The following PSD3 variants were observed in gnomAD, a reference collection of about 807,000 sequenced individuals.
PSD3 encodes pleckstrin and Sec7 domain containing 3, also known as PH and SEC7 domain-containing protein 3.
PSD3 carries 49 observed loss-of-function variants against 105.5 expected under a neutral mutation model. The observed-to-expected ratio is 0.46, with a 90% confidence interval of 0.37 to 0.59. The LOEUF is 0.59. Among genes scored for constraint, PSD3 ranks in the 20% least tolerant of loss-of-function variants. The pLI is 0.00. For missense variants in PSD3, 1,561 were observed against 1,263.8 expected (o/e 1.24, Z -3.57); for synonymous variants, 557 against 457.8 (o/e 1.22, Z -2.77).
At chr8:18,766,864 G>C (rs1807044302) in intron 8 of PSD3, among the ~76,000 whole-genome samples, 1 of 152,174 alleles carries the variant, frequency 6.6e-6, no homozygotes, top group African/African-American at 2.4e-5. Flanking sequence ...TTGCATTATA[G>C]GAGAGAAACC....
At chr8:18,892,413 C>T (rs1326967612) in intron 2 of PSD3, among the ~76,000 whole-genome samples, 4 of 151,448 alleles carry the variant, frequency 2.6e-5, no homozygotes, top group African/African-American at 4.9e-5. Flanking sequence ...TTAGTAAAGA[C>T]GGAGTTTCAC....
intron 4 of PSD3, among the ~76,000 whole-genome samples, chr8:18,822,395 AGTC>A (rs1444073779): frequency 5.9e-5 from 9 of 152,206 alleles, no homozygotes; most frequent in Non-Finnish European, 1.0e-4. Flanking sequence ...GTAGTAGTAC[AGTC>A]CATCCCCGGG....
intron 14 of PSD3, among the ~76,000 whole-genome samples, chr8:18,559,284 A>C (rs1801254304): frequency 6.6e-6 from 1 of 152,180 alleles, no homozygotes; most frequent in Non-Finnish European, 1.5e-5. Context: ...ATGTGATGTT[A>C]TTATACTTGT....
At chr8:18,820,852 C>T (rs867370565) in intron 4 of PSD3, among the ~76,000 whole-genome samples, 1 of 118,316 alleles carries the variant, frequency 8.5e-6, no homozygotes, top group African/African-American at 3.2e-5. Context: ...CTCCTGGGCA[C>T]AGGCAATCCT....
chr8:18,791,294 A>T (rs1415684802), intron 8 of PSD3, among the ~76,000 whole-genome samples: 1 of 152,178 alleles, frequency 6.6e-6, no homozygotes, highest in African/African-American at 2.4e-5. Flanking sequence ...AAAAAGAGGC[A>T]AGCTGGAGGC....
At chr8:18,555,915 TG>T (rs998031031) in intron 15 of PSD3, among the ~76,000 whole-genome samples, 24 of 152,338 alleles carry the variant, frequency 1.6e-4, no homozygotes, top group Admixed American at 5.9e-4. Context: ...TCCACCCTGG[TG>T]TGTCCCTCTA....
rs188878041 is a variant in PSD3 at position 18,795,162 on chromosome 8, A to G, written c.2082+4133T>C. ...CCTTGATTATATTCTTCTCCCTACC[A>G]GTAAGTTGTACTAGATATGGTTTCA... On this transcript the variant is annotated intron_variant, in intron 8 of 15. Transcript: ENST00000327040. 1.3e-4 allele frequency among the ~76,000 whole-genome samples: 20 copies of G among 152,280 alleles called. No individual in the cohort carries two copies. In the East Asian group the frequency reaches 3.5e-3, roughly 26 times the overall value.
chr8:18,679,471 T>C (rs554852081), intron 9 of PSD3, among the ~76,000 whole-genome samples: 26 of 152,326 alleles, frequency 1.7e-4, no homozygotes, highest in African/African-American at 5.8e-4. Context: ...TAACATCTCC[T>C]AGTACAGGAA....
At chr8:18,689,060 C>G (rs895468655) in intron 9 of PSD3, among the ~76,000 whole-genome samples, 1 of 152,098 alleles carries the variant, frequency 6.6e-6, no homozygotes, top group East Asian at 1.9e-4. Context: ...GTAGATAAAC[C>G]CTAAAAGGCT....
In PSD3 at chr8:18,630,918, G is replaced by C. The variant is rs1374536636; in HGVS notation, c.2410+1695C>G. On this transcript the variant is annotated intron_variant, in intron 11 of 15. Coordinates refer to ENST00000327040, the MANE Select transcript of PSD3 (RefSeq NM_015310.4). ...AAAGTATATGGGAGGATATGCATCA[G>C]TTATATGCAGATACTATGCCATTTT... 4.6e-5 allele frequency among the ~76,000 whole-genome samples: 7 copies of C among 151,832 alleles called. No homozygotes were observed. In the East Asian group the frequency reaches 1.2e-3, roughly 25 times the overall value.
intron 1 of PSD3, among the ~76,000 whole-genome samples, chr8:19,062,743 C>T (rs1828946750): frequency 6.6e-6 from 1 of 152,136 alleles, no homozygotes; most frequent in African/African-American, 2.4e-5. Flanking sequence ...TTGGGAAACG[C>T]TACATTACAT....
At chr8:18,647,578 G>A (rs1375395490) in intron 10 of PSD3, among the ~76,000 whole-genome samples, 1 of 150,276 alleles carries the variant, frequency 6.7e-6, no homozygotes, top group Non-Finnish European at 1.5e-5. Flanking sequence ...AGTGCAGAGG[G>A]AATCCAGAAG....
chr8:18,768,116 C>CAA (rs774203727), intron 8 of PSD3, among the ~76,000 whole-genome samples: 2,188 of 97,310 alleles, frequency 0.022, 56 homozygotes, highest in African/African-American at 0.066. Context: ...ACTGAAAATA[C>CAA]AAAAAAAAAA....
rs1404324956 is a variant in PSD3 at position 18,872,118 on chromosome 8, G to T, written c.746C>A (p.Pro249His). 1 of 1,614,096 alleles carries T rather than the reference G, an allele frequency of 6.2e-7. No individual in the cohort carries two copies. Among genetic ancestry groups the T allele is most frequent in the Non-Finnish European group, 8.5e-7 (1 of 1,179,998 alleles). Residue 249 changes from proline to histidine, a missense_variant, in exon 3 of 16, where the codon CCT becomes CAT. By Grantham distance (77) the Pro-to-His change is moderately conservative. Coordinates refer to ENST00000327040, the MANE Select transcript of PSD3 (RefSeq NM_015310.4). ...GAVCVQEPSC[P>H]LASLGSSAVT... ...TGCTGAGCTCCCGAGGGAGGCCAAA[G>T]GACAAGATGGCTCCTGCACACAGAC...
At chr8:18,580,826 G>C (rs1187927656) in intron 12 of PSD3, among the ~76,000 whole-genome samples, 3 of 152,160 alleles carry the variant, frequency 2.0e-5, no homozygotes, top group Admixed American at 6.5e-5. Flanking sequence ...TTGAGAGCCT[G>C]ATCTGCAGAC....
intron 12 of PSD3, 105 bp from the exon 13 acceptor site, chr8:18,575,390 A>C: frequency 5.5e-6 from 6 of 1,099,414 alleles, no homozygotes; most frequent in Non-Finnish European, 7.4e-6. Context: ...AATCCAAGTA[A>C]GTGAATGAAA....
chr8:18,656,934 T>G (rs1373770484), intron 9 of PSD3, among the ~76,000 whole-genome samples: 1 of 152,216 alleles, frequency 6.6e-6, no homozygotes, highest in African/African-American at 2.4e-5. Context: ...CAAATGCATT[T>G]CTAAGGTACA....
chr8:18,907,600 A>C (rs1819929987), intron 2 of PSD3, among the ~76,000 whole-genome samples: 1 of 152,262 alleles, frequency 6.6e-6, no homozygotes, highest in Admixed American at 6.5e-5. Flanking sequence ...GCACAGGATT[A>C]GAGCCTAGGA....
At chr8:18,747,486 T>C (rs1462868034) in intron 9 of PSD3, among the ~76,000 whole-genome samples, 2 of 152,164 alleles carry the variant, frequency 1.3e-5, no homozygotes, top group South Asian at 2.1e-4. Context: ...AAGAGAAAAC[T>C]ACAGGTGAAA....
Sources: allele counts gnomAD v4.1 joint callset (sites outside exome capture counted in the v4.1 genomes callset), GRCh38; gene constraint gnomAD v4.1.1; transcripts MANE v1.5; gene names NCBI Gene and HGNC (gene_info 2026-07-23, HGNC 2026-07-21).